The following NLGN1 variants were observed in gnomAD, a reference collection of about 807,000 sequenced individuals.
NLGN1 encodes neuroligin-1.
Under a neutral mutation model 65.5 loss-of-function variants are expected in NLGN1, and 12 were observed. The ratio of observed to expected loss-of-function variants is 0.18; its 90% CI spans 0.12 to 0.30. NLGN1 has a LOEUF of 0.30. NLGN1 is among the 10% of genes least tolerant of loss of function. The probability of loss-of-function intolerance (pLI) is 1.00; values close to 1 mark genes in which losing one functional copy is unlikely to be tolerated. For synonymous variants in NLGN1, 350 were observed against 359.5 expected, an observed-to-expected ratio of 0.97 and a Z score of 0.30; for missense variants, 750 against 1,007.1, an observed-to-expected ratio of 0.74 and a Z score of 3.46.
At chr3:173,542,037 A>G (rs11921856) in intron 2 of NLGN1, among the ~76,000 whole-genome samples, 54,789 of 151,630 alleles carry the variant, frequency 0.36, 11,388 homozygotes, top group East Asian at 0.8. Context: ...CTCATACTTA[A>G]ACTGTGATTT....
At chr3:174,267,570 G>T (rs1748526904) in intron 4 of NLGN1, among the ~76,000 whole-genome samples, 1 of 151,984 alleles carries the variant, frequency 6.6e-6, no homozygotes, top group African/African-American at 2.4e-5. Context: ...TAGCCTACTG[G>T]GCCACATGTC....
chr3:173,796,336 A>G (rs1430512758), intron 3 of NLGN1, among the ~76,000 whole-genome samples: 2 of 152,166 alleles, frequency 1.3e-5, no homozygotes, highest in African/African-American at 2.4e-5. Context: ...TTTAAAAAAT[A>G]AAAGGCTCTG....
intron 2 of NLGN1, among the ~76,000 whole-genome samples, chr3:173,559,791 A>G (rs1158258060): frequency 1.3e-5 from 2 of 152,186 alleles, no homozygotes; most frequent in African/African-American, 4.8e-5. Context: ...TGATATTTTT[A>G]TGGCTAGTAA....
At chr3:173,559,080 T>C (rs1559967287) in intron 2 of NLGN1, among the ~76,000 whole-genome samples, 1 of 152,318 alleles carries the variant, frequency 6.6e-6, no homozygotes, top group East Asian at 1.9e-4. Flanking sequence ...ACCTTTTTGA[T>C]CTTAGTTTGG....
At chr3:174,123,220 T>G (rs1016992926) in intron 4 of NLGN1, among the ~76,000 whole-genome samples, 2 of 152,074 alleles carry the variant, frequency 1.3e-5, no homozygotes, top group African/African-American at 4.8e-5. Context: ...GCATGCAGGT[T>G]TTGGAGATGA....
chr3:173,543,776 T>A (rs560951148), intron 2 of NLGN1, among the ~76,000 whole-genome samples: 1 of 152,182 alleles, frequency 6.6e-6, no homozygotes, highest in Non-Finnish European at 1.5e-5. Flanking sequence ...AAGATAGAAA[T>A]AAAATGGCAT....
In NLGN1 at chr3:173,937,360, A is replaced by G. The variant is rs141719398; in HGVS notation, c.646+129528A>G. Among the ~76,000 whole-genome samples, 748 of 152,230 alleles carry G rather than the reference A, an allele frequency of 4.9e-3. 1 individual carries two copies. The highest frequency in any genetic ancestry group is 7.8e-3 in the Non-Finnish European group (528 of 67,954). On this transcript the variant is annotated intron_variant, in intron 4 of 6. Coordinates refer to ENST00000457714, the Ensembl canonical transcript of NLGN1. The stretch of plus-strand genomic sequence containing the variant: ...AGGTGTTGAGATATATACAAATAGA[A>G]CAAAGATTATAGCTCAGAGAACAAA...
chr3:173,540,758 A>G (rs1577183959), intron 2 of NLGN1, among the ~76,000 whole-genome samples: 1 of 152,184 alleles, frequency 6.6e-6, no homozygotes, highest in East Asian at 1.9e-4. Context: ...CTTAGACACT[A>G]TTCCCTAGTG....
chr3:174,004,472 A>G (rs780748450), intron 4 of NLGN1, among the ~76,000 whole-genome samples: 9 of 152,106 alleles, frequency 5.9e-5, no homozygotes, highest in Non-Finnish European at 1.2e-4. Flanking sequence ...AATTTTATAT[A>G]TCTTTTTTTA....
chr3:173,735,457 A>G (rs1773595761), intron 3 of NLGN1, among the ~76,000 whole-genome samples: 1 of 152,146 alleles, frequency 6.6e-6, no homozygotes, highest in Admixed American at 6.6e-5. Context: ...CTGCAAATCA[A>G]ACTCAAAGGA....
chr3:173,587,873 A>G (rs1485643502), intron 2 of NLGN1, among the ~76,000 whole-genome samples: 1 of 151,274 alleles, frequency 6.6e-6, no homozygotes, highest in East Asian at 1.9e-4. Flanking sequence ...AACATTCAGG[A>G]AAAGCTAACA....
At chr3:173,830,181 C>T (rs1338910550) in intron 4 of NLGN1, among the ~76,000 whole-genome samples, 1 of 152,128 alleles carries the variant, frequency 6.6e-6, no homozygotes, top group Admixed American at 6.6e-5. Flanking sequence ...ATTTATAATT[C>T]TGTAATTTCA....
rs10635715 is a variant in NLGN1, at chr3:173,675,868, G to GTCTCTCTCTCTC, written c.493+70786_493+70797dup. Among the ~76,000 whole-genome samples, 736 of 132,544 alleles carry GTCTCTCTCTCTC rather than the reference G, an allele frequency of 5.6e-3. 8 individuals carry two copies. The highest frequency in any genetic ancestry group is 0.016 in the African/African-American group (532 of 34,120). 87.0% of individuals were successfully genotyped at this position (132,544 alleles called of 152,430 possible). ...TCTCTCTCTCTTTCTCTCTCTCTTT[G>GTCTCTCTCTCTC]TCTCTCTCTCTCTCTCTCTCACACA... On this transcript the variant is annotated intron_variant, in intron 3 of 6. Coordinates refer to ENST00000457714, the Ensembl canonical transcript of NLGN1.
At chr3:173,773,486 A>T (rs887018090) in intron 3 of NLGN1, among the ~76,000 whole-genome samples, 1 of 152,142 alleles carries the variant, frequency 6.6e-6, no homozygotes, top group Non-Finnish European at 1.5e-5. Flanking sequence ...GTTGTTATTC[A>T]TATGTCGTTT....
intron 3 of NLGN1, among the ~76,000 whole-genome samples, chr3:173,795,743 C>T (rs575799154): frequency 1.3e-5 from 2 of 152,130 alleles, no homozygotes; most frequent in East Asian, 3.9e-4. Context: ...TTTTTCATAT[C>T]CTTGATTCAA....
intron 4 of NLGN1, among the ~76,000 whole-genome samples, chr3:173,860,995 AAAT>A: frequency 6.6e-6 from 1 of 152,252 alleles, no homozygotes; most frequent in Non-Finnish European, 1.5e-5. Flanking sequence ...GACAAACAAG[AAAT>A]CTTTTAGTGA....
intron 2 of NLGN1, among the ~76,000 whole-genome samples, chr3:173,589,043 A>G (rs1747992005): frequency 6.6e-6 from 1 of 152,212 alleles, no homozygotes; most frequent in Non-Finnish European, 1.5e-5. Context: ...CTACTGATGT[A>G]AATTCAAAAA....
chr3:173,751,799 T>C (rs1259716861), intron 3 of NLGN1, among the ~76,000 whole-genome samples: 1 of 152,138 alleles, frequency 6.6e-6, no homozygotes, highest in Non-Finnish European at 1.5e-5. Flanking sequence ...TGCTAAGAGC[T>C]GTACCTATAT....
chr3:174,281,417 G>A (rs1751524302), exon 7 of NLGN1: 1 of 687,948 alleles, frequency 1.5e-6, no homozygotes, highest in East Asian at 2.7e-5. Context: ...AATATTATGT[G>A]AATATACATA....
Sources: gnomAD v4.1 joint callset for allele counts (sites outside exome capture counted in the v4.1 genomes callset) on GRCh38, gnomAD v4.1.1 for gene constraint, MANE v1.5 for transcripts, NCBI Gene and HGNC (gene_info 2026-07-23, HGNC 2026-07-21) for gene names.